RASGRP3: variants seen among roughly 807,000 people sequenced by gnomAD.
The protein encoded by RASGRP3 is RAS guanyl releasing protein 3, also known as ras guanyl-releasing protein 3.
A neutral mutation model predicts 82.7 loss-of-function variants in RASGRP3; 54 were observed. The observed-to-expected ratio is 0.65, with a 90% CI of 0.52 to 0.82. The LOEUF (loss-of-function observed/expected upper bound fraction) is 0.82. RASGRP3 is among the 40% of genes least tolerant of loss of function. The probability of loss-of-function intolerance (pLI) is 0.00; values close to 1 mark genes in which losing one functional copy is unlikely to be tolerated. For synonymous variants in RASGRP3, 309 were observed against 300.5 expected (o/e 1.03, Z -0.29); for missense variants, 861 against 828.9 (o/e 1.04, Z -0.48).
At chr2:33,476,796 T>TGTGTGTGTGTGTGTGTGTGTGTG (rs1198972496) in intron 1 of RASGRP3, 89 bp downstream of exon 1, 6 of 151,318 alleles carry the variant, frequency 4.0e-5, no homozygotes, top group East Asian at 2.0e-4. Context: ...TGTGTGTGTG[T>TGTGTGTGTGTGTGTGTGTGTGTG]TGCAAGCCAC....
chr2:33,528,611 G>A (rs147760193), intron 10 of RASGRP3, among the ~76,000 whole-genome samples: 2 of 152,282 alleles, frequency 1.3e-5, no homozygotes, highest in African/African-American at 4.8e-5. Context: ...CTTAATTTCT[G>A]AGAGCCTAAA....
In RASGRP3 at chr2:33,470,441, G is replaced by A. The variant is rs546628195; in HGVS notation, c.-261+22498G>A. ...GTTGCCCAGGCTGGAGTGCAGTGGC[G>A]CGATCTCAGCTCACTGCAAGCTCCG... is the stretch of plus-strand genomic sequence containing the variant. On this transcript the variant is annotated intron_variant, in intron 2 of 18. Transcript: ENST00000402538. Among the ~76,000 whole-genome samples, 489 of 150,230 alleles carry A rather than the reference G, an allele frequency of 3.3e-3. 2 individuals are homozygous for A. The highest frequency in any genetic ancestry group is 0.011 in the African/African-American group (434 of 40,776).
At chr2:33,543,245 G>A (rs1574469410) in intron 12 of RASGRP3, among the ~76,000 whole-genome samples, 1 of 152,062 alleles carries the variant, frequency 6.6e-6, no homozygotes, top group Non-Finnish European at 1.5e-5. Context: ...AAACTCTTGG[G>A]CTCAAGTGAT....
At chr2:33,509,578 G>C (rs185360143) in intron 1 of RASGRP3, among the ~76,000 whole-genome samples, 1 of 152,038 alleles carries the variant, frequency 6.6e-6, no homozygotes, top group Non-Finnish European at 1.5e-5. Flanking sequence ...ATGTCTTTTC[G>C]ATTTCTCATA....
chr2:33,484,259 T>A (rs1488916268), intron 1 of RASGRP3, among the ~76,000 whole-genome samples: 2 of 152,220 alleles, frequency 1.3e-5, no homozygotes, highest in Non-Finnish European at 2.9e-5. Flanking sequence ...CTCTAACAAC[T>A]TGCTTGTGAC....
At chr2:33,476,054 G>A (rs1234984949), upstream of RASGRP3, among the ~76,000 whole-genome samples, 1 of 152,048 alleles carries the variant, frequency 6.6e-6, no homozygotes, top group African/African-American at 2.4e-5. Context: ...GCCCCTCAGC[G>A]TCCCTTGGCT....
At chr2:33,504,310 C>T (rs938447490) in intron 1 of RASGRP3, among the ~76,000 whole-genome samples, 2 of 151,992 alleles carry the variant, frequency 1.3e-5, no homozygotes, top group African/African-American at 2.4e-5. Context: ...TCTGTGCTCC[C>T]GCAATGCCCT....
intron 1 of RASGRP3, among the ~76,000 whole-genome samples, chr2:33,441,574 C>T (rs1665227639): frequency 6.6e-6 from 1 of 152,218 alleles, no homozygotes; most frequent in South Asian, 2.1e-4. Flanking sequence ...ATTACATACA[C>T]CCTTACAGCT....
At chr2:33,525,651 C>T (rs1175512549) in intron 9 of RASGRP3, among the ~76,000 whole-genome samples, 1 of 130,320 alleles carries the variant, frequency 7.7e-6, no homozygotes, top group East Asian at 2.2e-4. Flanking sequence ...TTGCTTGAAG[C>T]CAGGAGTTCG....
chr2:33,523,606 A>C (rs1672241458), intron 7 of RASGRP3, among the ~76,000 whole-genome samples: 1 of 152,186 alleles, frequency 6.6e-6, no homozygotes, highest in African/African-American at 2.4e-5. Flanking sequence ...ATTGGAATAC[A>C]ACTTTGAATC....
intron 1 of RASGRP3, among the ~76,000 whole-genome samples, chr2:33,480,876 G>C (rs758344267): frequency 5.3e-5 from 8 of 152,148 alleles, no homozygotes; most frequent in Non-Finnish European, 8.8e-5. Context: ...AGAGTCTGTG[G>C]TGTGCAGAGT....
At chr2:33,559,587 G>A (rs773231815) in intron 17 of RASGRP3, 1 of 518,450 alleles carries the variant, frequency 1.9e-6, no homozygotes, top group Non-Finnish European at 3.9e-6. Flanking sequence ...GTAGGATGCA[G>A]ATGGAATTTG....
chr2:33,443,709 T>TAAAAAA (rs1161262477), intron 1 of RASGRP3, among the ~76,000 whole-genome samples: 2 of 98,226 alleles, frequency 2.0e-5, no homozygotes, highest in African/African-American at 3.9e-5. Flanking sequence ...ATCCTGTCTC[T>TAAAAAA]AAAAAAAAAA....
chr2:33,472,629 A>T (rs529237865), upstream of RASGRP3, among the ~76,000 whole-genome samples: 2 of 152,196 alleles, frequency 1.3e-5, no homozygotes, highest in African/African-American at 4.8e-5. Context: ...GCCATGGGAG[A>T]GCTTTTCAAG....
intron 2 of RASGRP3, among the ~76,000 whole-genome samples, chr2:33,465,969 CAAA>C (rs60914898): frequency 3.4e-4 from 44 of 130,366 alleles, no homozygotes; most frequent in African/African-American, 4.7e-4. Context: ...ACTTACTGCT[CAAA>C]AAAAAAAAAA....
intron 2 of RASGRP3, among the ~76,000 whole-genome samples, chr2:33,460,832 A>G (rs116154825): frequency 0.017 from 2,576 of 152,274 alleles, 50 homozygotes; most frequent in Middle Eastern, 0.054. Context: ...AGTATTTTAT[A>G]ACATAAATCA....
intron 13 of RASGRP3, among the ~76,000 whole-genome samples, chr2:33,547,206 G>A (rs1219353220): frequency 6.6e-6 from 1 of 152,060 alleles, no homozygotes; most frequent in Non-Finnish European, 1.5e-5. Context: ...GCTAAATGAT[G>A]AGAACTCAAG....
rs1418443481 is a variant in RASGRP3, at chr2:33,522,221, G to A, written c.516+119G>A. ...TCTATCACTGTGCTCTGCTGGAGAA[G>A]TGCCCTTAATTCACAGGAACAATCC... On this transcript the variant is annotated intron_variant, in intron 7 of 17. Coordinates refer to ENST00000403687, the MANE Select transcript of RASGRP3 (RefSeq NM_001139488.2). 1.4e-5 allele frequency: 16 copies of A among 1,119,246 alleles called. No homozygotes were observed. The Admixed American group carries it at 3.9e-4, about 28-fold the overall frequency. The allele number at this position is 1,119,246 out of a possible 1,614,324, so 69.3% of individuals were successfully genotyped here.
At chr2:33,544,211 G>A (rs1382404618) in intron 13 of RASGRP3, among the ~76,000 whole-genome samples, 1 of 152,156 alleles carries the variant, frequency 6.6e-6, no homozygotes, top group Non-Finnish European at 1.5e-5. Flanking sequence ...CTACTTGGGT[G>A]GCTGAGGCGG....
Sources: allele counts gnomAD v4.1 joint callset (sites outside exome capture counted in the v4.1 genomes callset), GRCh38; gene constraint gnomAD v4.1.1; transcripts MANE v1.5; gene names NCBI Gene and HGNC (gene_info 2026-07-23, HGNC 2026-07-21).